SLC4A10: variants seen among roughly 807,000 people sequenced by gnomAD.
The protein encoded by SLC4A10 is solute carrier family 4 member 10, also known as sodium-driven chloride bicarbonate exchanger.
Under a neutral mutation model 137.7 loss-of-function variants are expected in SLC4A10, and 42 were observed. That is an observed-to-expected ratio of 0.30 (90% confidence interval 0.24 to 0.39). The LOEUF is 0.39. SLC4A10 is among the 10% of genes least tolerant of loss of function. SLC4A10 has a pLI of 1.00. For synonymous variants in SLC4A10, 474 were observed against 464.1 expected, an observed-to-expected ratio of 1.02 and a Z score of -0.27; for missense variants, 925 against 1,355.0, an observed-to-expected ratio of 0.68 and a Z score of 4.98.
intron 1 of SLC4A10, among the ~76,000 whole-genome samples, chr2:161,700,433 G>A (rs2043004955): frequency 1.3e-5 from 2 of 152,032 alleles, no homozygotes; most frequent in Admixed American, 1.3e-4. Flanking sequence ...CATTGGATGT[G>A]GAAAGAAGAA....
chr2:161,827,306 A>G (rs546352634), intron 3 of SLC4A10, among the ~76,000 whole-genome samples: 27 of 152,158 alleles, frequency 1.8e-4, no homozygotes, highest in African/African-American at 6.3e-4. Context: ...CCAGAATCCA[A>G]TCTCAAATCT....
chr2:161,797,858 C>A (rs1352956629), intron 2 of SLC4A10, among the ~76,000 whole-genome samples: 1 of 151,868 alleles, frequency 6.6e-6, no homozygotes, highest in African/African-American at 2.4e-5. Flanking sequence ...GTTAGTGGCC[C>A]TTTTGATGAG....
intron 3 of SLC4A10, among the ~76,000 whole-genome samples, chr2:161,812,421 G>A (rs1323571133): frequency 1.3e-5 from 2 of 151,842 alleles, no homozygotes; most frequent in African/African-American, 2.4e-5. Context: ...TGTTACATGA[G>A]TATGTTGTAT....
intron 15 of SLC4A10, among the ~76,000 whole-genome samples, chr2:161,921,030 A>G (rs1346103307): frequency 6.6e-6 from 1 of 152,244 alleles, no homozygotes; most frequent in Non-Finnish European, 1.5e-5. Flanking sequence ...GCTAGAGGAT[A>G]CACAGTTAAA....
chr2:161,835,312 C>T (rs1285253023), intron 3 of SLC4A10, among the ~76,000 whole-genome samples: 1 of 152,166 alleles, frequency 6.6e-6, no homozygotes, highest in Non-Finnish European at 1.5e-5. Context: ...GCTGGGATTA[C>T]AGGCATGAAC....
chr2:161,660,798 C>T (rs183224058), intron 1 of SLC4A10, among the ~76,000 whole-genome samples: 37 of 151,372 alleles, frequency 2.4e-4, no homozygotes, highest in Admixed American at 1.3e-3. Context: ...GGACTACAGG[C>T]GCCCACCACC....
chr2:161,877,048 T>G (rs187444483), intron 8 of SLC4A10, among the ~76,000 whole-genome samples: 76 of 152,194 alleles, frequency 5.0e-4, no homozygotes, highest in Admixed American at 2.9e-3. Context: ...TTTTGTAAAT[T>G]TAAAGATCAT....
chr2:161,942,840 A>G lies in SLC4A10; in HGVS notation c.2046A>G (p.Glu682=). 1 of 1,606,132 alleles carries G rather than the reference A, an allele frequency of 6.2e-7. No homozygotes were observed. Among genetic ancestry groups the G allele is most frequent in the South Asian group, 1.1e-5 (1 of 89,198 alleles). The change falls in exon 16 of 27, where the codon GAA becomes GAG. Residue 682 remains glutamate (E), a synonymous_variant. Transcript: ENST00000446997. ...PHNPSNGTLK[E]WRESNISASD... ...ATCCCAGCAATGGCACATTGAAGGA[A>G]TGGAGGGAATCCAATATTTCTGCCT... is the stretch of plus-strand genomic sequence containing the variant.
intron 2 of SLC4A10, among the ~76,000 whole-genome samples, chr2:161,782,497 A>T (rs1415938189): frequency 1.3e-5 from 2 of 151,742 alleles, no homozygotes; most frequent in East Asian, 3.9e-4. Context: ...CAAACTAGGT[A>T]ACAGAAAAAT....
intron 1 of SLC4A10, among the ~76,000 whole-genome samples, chr2:161,643,148 G>A (rs999360533): frequency 1.3e-5 from 2 of 152,058 alleles, no homozygotes; most frequent in African/African-American, 4.8e-5. Context: ...ATGCATCTGA[G>A]TGTTTTATGA....
At chr2:161,854,278 T>A (rs1239564927) in intron 4 of SLC4A10, among the ~76,000 whole-genome samples, 1 of 152,192 alleles carries the variant, frequency 6.6e-6, no homozygotes, top group Non-Finnish European at 1.5e-5. Flanking sequence ...CCATTTATCT[T>A]GCTTATAGAC....
intron 26 of SLC4A10, among the ~76,000 whole-genome samples, chr2:161,981,722 C>A (rs769863831): frequency 3.9e-5 from 6 of 152,342 alleles, no homozygotes; most frequent in South Asian, 2.1e-4. Flanking sequence ...GGGCTCTCAA[C>A]ACATCATGTG....
At chr2:161,630,789 G>A (rs1001893306) in intron 1 of SLC4A10, among the ~76,000 whole-genome samples, 1 of 151,722 alleles carries the variant, frequency 6.6e-6, no homozygotes, top group Non-Finnish European at 1.5e-5. Context: ...ATCCTGAAAA[G>A]TTGCTAATGT....
intron 1 of SLC4A10, among the ~76,000 whole-genome samples, chr2:161,746,768 T>C (rs1172500972): frequency 6.6e-6 from 1 of 152,158 alleles, no homozygotes; most frequent in Non-Finnish European, 1.5e-5. Flanking sequence ...CTGTTGTTTA[T>C]TCAAGGCCCA....
chr2:161,676,414 G>A lies in SLC4A10; in HGVS notation c.48+51848G>A, dbSNP rs2040280813. Among the ~76,000 whole-genome samples the A allele has an allele frequency of 4.6e-5, 7 of 152,062 alleles. No individual in the cohort carries two copies. In the South Asian group the frequency reaches 1.5e-3, roughly 32 times the overall value. On this transcript the variant is annotated intron_variant, in intron 1 of 26. Coordinates refer to ENST00000446997, the MANE Select transcript of SLC4A10 (RefSeq NM_001178015.2). ...TTTTGCTAGACTTTTGCTGGTATTT[G>A]TATGTCAAACTTCTCATTTCTTTTT...
intron 9 of SLC4A10, among the ~76,000 whole-genome samples, chr2:161,881,572 C>T (rs1262798433): frequency 1.3e-5 from 2 of 151,974 alleles, no homozygotes; most frequent in Non-Finnish European, 2.9e-5. Context: ...ACAGCATAAA[C>T]CATTTAACAA....
chr2:161,838,391 TAAAAG>T (rs1326250870), intron 3 of SLC4A10, among the ~76,000 whole-genome samples: 1 of 152,052 alleles, frequency 6.6e-6, no homozygotes, highest in Non-Finnish European at 1.5e-5. Context: ...GAAGAAAACA[TAAAAG>T]AAAATCTTTG....
At chr2:161,879,108 TA>T (rs1228172212) in intron 8 of SLC4A10, 22 bp from the exon 9 acceptor site, 8 of 1,610,710 alleles carry the variant, frequency 5.0e-6, no homozygotes, top group Non-Finnish European at 6.8e-6. Flanking sequence ...TGATTTATCA[TA>T]TTTACCTGGT....
intron 15 of SLC4A10, among the ~76,000 whole-genome samples, chr2:161,910,730 T>G (rs972228910): frequency 1.3e-5 from 2 of 152,038 alleles, no homozygotes; most frequent in Non-Finnish European, 2.9e-5. Flanking sequence ...ATTTTTTTAT[T>G]TTCTTTTTCT....
Sources: allele counts gnomAD v4.1 joint callset (sites outside exome capture counted in the v4.1 genomes callset), GRCh38; gene constraint gnomAD v4.1.1; transcripts MANE v1.5; gene names NCBI Gene and HGNC (gene_info 2026-07-23, HGNC 2026-07-21).